The following C10orf67 variants were observed in gnomAD, a reference collection of about 807,000 sequenced individuals.
The protein encoded by C10orf67 is chromosome 10 open reading frame 67, also known as uncharacterized protein C10orf67, mitochondrial.
C10orf67 carries 60 observed loss-of-function variants against 35.6 expected under a neutral mutation model. That is an observed-to-expected ratio of 1.68 (90% CI 1.37 to 2.09). The LOEUF is 2.09. Among genes scored for constraint, C10orf67 ranks in the 30% most tolerant of loss-of-function variants. The pLI is 0.00. For missense variants in C10orf67, 474 were observed against 330.2 expected, an observed-to-expected ratio of 1.44 and a Z score of -3.38; for synonymous variants, 167 against 115.8, an observed-to-expected ratio of 1.44 and a Z score of -2.84.
rs566198327 is a variant in C10orf67 at position 23,284,441 on chromosome 10, G to C, written c.910-2363C>G. Among the ~76,000 whole-genome samples, 204 of 151,996 alleles carry C rather than the reference G, an allele frequency of 1.3e-3. 1 individual carries two copies. The highest frequency in any genetic ancestry group is 2.6e-3 in the Non-Finnish European group (176 of 68,012). On this transcript the variant is annotated intron_variant, in intron 7 of 15. Transcript: ENST00000636213. ...CTCACGCCTATGATCCCAGCACTTT[G>C]GGAGGGTGAGGTGGGAGGATCCCTT... is the stretch of plus-strand genomic sequence containing the variant.
intron 7 of C10orf67, among the ~76,000 whole-genome samples, chr10:23,286,146 CT>C (rs1341777291): frequency 1.3e-5 from 2 of 151,678 alleles, no homozygotes; most frequent in Admixed American, 1.3e-4. Flanking sequence ...AATCCTAACA[CT>C]TTGGGAGGAC....
intron 15 of C10orf67, among the ~76,000 whole-genome samples, chr10:23,215,649 C>T (rs901837157): frequency 6.6e-6 from 1 of 151,820 alleles, no homozygotes; most frequent in Non-Finnish European, 1.5e-5. Flanking sequence ...CCCACTGAGT[C>T]GAGTACAGCC....
rs553074719 is a variant in C10orf67 at position 23,333,653 on chromosome 10, T to G, written c.207-471A>C. On this transcript the variant is annotated intron_variant, in intron 1 of 15. Transcript: ENST00000636213. ...ATTAAGATTTTATTTGTCTTTTTAC[T>G]GTCATTCTCTCACAAATGTTCAGTG... Among the ~76,000 whole-genome samples, 4 of 152,320 alleles carry G rather than the reference T, an allele frequency of 2.6e-5. No homozygotes were observed. In the East Asian group the frequency reaches 7.7e-4, roughly 29 times the overall value.
At chr10:23,261,665 T>C (rs767148213) in intron 10 of C10orf67, among the ~76,000 whole-genome samples, 5 of 152,196 alleles carry the variant, frequency 3.3e-5, no homozygotes, top group South Asian at 2.1e-4. Flanking sequence ...TATTCCCTAA[T>C]TGAGCTGCAT....
At chr10:23,316,891 C>T (rs1355957691) in intron 4 of C10orf67, 2 of 152,292 alleles carry the variant, frequency 1.3e-5, no homozygotes, top group Non-Finnish European at 2.9e-5. Flanking sequence ...GCTGATTGGT[C>T]AATGGGCAGC....
Position 23,254,640 on chromosome 10 carries a change from C to T in C10orf67, c.1201-3949G>A, listed in dbSNP as rs575743294. ...ACGGAAGTTATGATTCTTAAATTTG[C>T]TTCCCATTTTTAAGCACTTATATCA... On this transcript the variant is annotated intron_variant, in intron 10 of 15. Transcript: ENST00000636213. Among the ~76,000 whole-genome samples the T allele has an allele frequency of 1.6e-4, 25 of 152,138 alleles. No individual in the cohort carries two copies. The South Asian group carries it at 4.8e-3, about 29-fold the overall frequency.
rs377391780 is a variant in C10orf67, at chr10:23,202,802, C to T, written c.*1371G>A. The T allele has an allele frequency of 5.3e-5, 8 of 152,196 alleles. No homozygotes were observed. In the East Asian group the frequency reaches 9.6e-4, roughly 18 times the overall value. 9.4% of individuals were successfully genotyped at this position (152,196 alleles called of 1,614,324 possible). On this transcript the variant is annotated 3_prime_UTR_variant, in exon 16 of 16. Coordinates refer to ENST00000636213, the MANE Select transcript of C10orf67 (RefSeq NM_001371909.1). ...GTTCTGAAATGAAGCAGTTTGATAT[C>T]ACACCCAACCAGGAGGCTGCTTCCA... is the stretch of plus-strand genomic sequence containing the variant.
intron 3 of C10orf67, among the ~76,000 whole-genome samples, chr10:23,322,017 G>C (rs143710501): frequency 9.2e-5 from 14 of 152,252 alleles, no homozygotes; most frequent in Admixed American, 2.6e-4. Context: ...TGAACTCCCA[G>C]CTTCAAGCCA....
At position 23,303,306 on chromosome 10, in the gene C10orf67, T is replaced by C; in HGVS notation, c.700A>G (p.Met234Val). The C allele has an allele frequency of 1.8e-6, 1 of 550,074 alleles. No individual in the cohort carries two copies. Among genetic ancestry groups the C allele is most frequent in the Non-Finnish European group, 3.3e-6 (1 of 305,596 alleles). The allele number at this position is 550,074 out of a possible 1,614,324, so 34.1% of individuals were successfully genotyped here. The change falls in exon 5 of 16, where the codon ATG becomes GTG. Residue 234 changes from methionine (M) to valine (V), a missense_variant and splice_region_variant. Met to Val is a conservative substitution (Grantham distance 21). Coordinates refer to ENST00000636213, the MANE Select transcript of C10orf67 (RefSeq NM_001371909.1). The stretch of plus-strand genomic sequence containing the variant: ...TTATTCCTTGCCTTGAAACTTACCA[T>C]TTTGTGAAATCCAAAATCTTTATAT... Reference protein sequence around the residue: ...DQYKDFGFHKMESFAKETSSP... With the variant: ...DQYKDFGFHKVESFAKETSSP...
chr10:23,255,753 G>T (rs2132169305), intron 10 of C10orf67, among the ~76,000 whole-genome samples: 2 of 152,152 alleles, frequency 1.3e-5, no homozygotes, highest in African/African-American at 2.4e-5. Flanking sequence ...GACACGAATT[G>T]GTTATGTAAA....
intron 9 of C10orf67, 84 bp from the exon 10 acceptor site, chr10:23,266,510 CT>C (rs1476306817): frequency 3.3e-5 from 13 of 397,362 alleles, no homozygotes; most frequent in Non-Finnish European, 1.8e-5. Flanking sequence ...TTCCCCTCCC[CT>C]GAGCTGGAAT....
At chr10:23,317,819 C>T (rs758826655) in intron 4 of C10orf67, 1 of 151,980 alleles carries the variant, frequency 6.6e-6, no homozygotes, top group Admixed American at 6.6e-5. Context: ...ATTAATTAGG[C>T]CAGCACAGTG....
rs1405420679 is a variant in C10orf67 at position 23,286,612 on chromosome 10, GGGAGGGAGGGAGGAAA to G, written c.909+3272_909+3287del. On this transcript the variant is annotated intron_variant, in intron 7 of 15. Transcript: ENST00000636213. Reference sequence around the variant, plus strand: ...AAGGAGGGAGGGAGGAAGGAAAGGAGGGAGGGAGGGAGGAAAGGAGGGAGGGAGGAAAGGAGGGAGA... The same window carrying G: ...AAGGAGGGAGGGAGGAAGGAAAGGAGGGAGGGAGGGAGGAAAGGAGGGAGA... 6.8e-3 allele frequency among the ~76,000 whole-genome samples: 938 copies of G among 137,140 alleles called. 14 individuals carry two copies. Among genetic ancestry groups the G allele is most frequent in the African/African-American group, 0.026 (882 of 34,268 alleles). 90.0% of individuals were successfully genotyped at this position (137,140 alleles called of 152,430 possible).
chr10:23,263,848 G>T (rs1464858611), intron 10 of C10orf67, among the ~76,000 whole-genome samples: 1 of 152,152 alleles, frequency 6.6e-6, no homozygotes, highest in Non-Finnish European at 1.5e-5. Flanking sequence ...TAAAAGCACT[G>T]TACAAATACA....
chr10:23,296,753 G>A (rs915176192), intron 5 of C10orf67, among the ~76,000 whole-genome samples: 8 of 151,320 alleles, frequency 5.3e-5, no homozygotes, highest in African/African-American at 2.0e-4. Flanking sequence ...TTTGAAGAAT[G>A]ATTTGTAGTT....
rs1175025199 is a variant in C10orf67, at chr10:23,328,035, TTGAAA to T, written c.327+5022_327+5026del. ...ATTTAATAACTTTCTTATTATACAG[TTGAAA>T]TGAACAAATGAAAAATTCGAGTATT... On this transcript the variant is annotated intron_variant, in intron 2 of 15. Coordinates refer to ENST00000636213, the MANE Select transcript of C10orf67 (RefSeq NM_001371909.1). Among the ~76,000 whole-genome samples the T allele has an allele frequency of 2.6e-5, 4 of 152,174 alleles. No homozygotes were observed. In the East Asian group the frequency reaches 5.8e-4, roughly 22 times the overall value.
intron 9 of C10orf67, among the ~76,000 whole-genome samples, 191 bp downstream of exon 9, chr10:23,267,004 T>A (rs889662763): frequency 1.3e-5 from 2 of 152,156 alleles, no homozygotes; most frequent in African/African-American, 2.4e-5. Flanking sequence ...CTCGGCCTCC[T>A]AAAGTACTAG....
At chr10:23,205,582 G>C (rs1431035179) in intron 15 of C10orf67, among the ~76,000 whole-genome samples, 4 of 152,208 alleles carry the variant, frequency 2.6e-5, no homozygotes, top group South Asian at 2.1e-4. Flanking sequence ...AAACTTGCTA[G>C]AGTTAAGTAT....
At chr10:23,332,979 T>C (rs1845541183) in intron 2 of C10orf67, 83 bp downstream of exon 2, 5 of 1,362,926 alleles carry the variant, frequency 3.7e-6, no homozygotes, top group Non-Finnish European at 5.0e-6. Flanking sequence ...ATTTTAATTA[T>C]TTCACTTTTG....
Sources: gnomAD v4.1 joint callset for allele counts (sites outside exome capture counted in the v4.1 genomes callset) on GRCh38, gnomAD v4.1.1 for gene constraint, MANE v1.5 for transcripts, NCBI Gene and HGNC (gene_info 2026-07-23, HGNC 2026-07-21) for gene names.